Variants in BLK observed in about 807,000 individuals in gnomAD.
BLK encodes the protein tyrosine-protein kinase Blk.
BLK carries 64 observed loss-of-function variants against 61.8 expected under a neutral mutation model. The observed-to-expected ratio is 1.03, with a 90% confidence interval of 0.85 to 1.27. BLK has a LOEUF of 1.27. Among genes scored for constraint, BLK ranks in the 50% most tolerant of loss-of-function variants. The pLI, the probability that BLK is intolerant of heterozygous loss-of-function variation, is 0.00. For missense variants in BLK, 853 were observed against 660.5 expected (o/e 1.29, Z -3.19); for synonymous variants, 351 against 272.0 (o/e 1.29, Z -2.86).
intron 6 of BLK, chr8:11,553,376 G>T (rs1249710541): frequency 2.2e-6 from 1 of 451,140 alleles, no homozygotes; most frequent in South Asian, 1.6e-5. Context: ...TACCACAGAG[G>T]CAGGGGATCC....
chr8:11,548,043 G>A lies in BLK; in HGVS notation c.187G>A (p.Val63Met), dbSNP rs138972988. The A allele has an allele frequency of 5.5e-4, 893 of 1,614,014 alleles. 1 individual carries two copies. The African/African-American group carries it at 9.0e-3, about 16-fold the overall frequency. The change falls in exon 4 of 13, where the codon GTG becomes ATG. Residue 63 changes from valine (V) to methionine (M), a missense_variant. Val to Met is a conservative substitution (Grantham distance 21). Transcript: ENST00000259089. ...DEHLDEDKHF[V>M]VALYDYTAMN... The stretch of plus-strand genomic sequence containing the variant: ...CTTGTTCATTTTAGACAAGCATTTC[G>A]TGGTGGCTCTGTATGACTACACCGC...
intron 1 of BLK, among the ~76,000 whole-genome samples, chr8:11,501,353 CT>C (rs1337560021): frequency 2.1e-5 from 2 of 96,714 alleles, no homozygotes; most frequent in Non-Finnish European, 4.8e-5. Context: ...TAAACTCTCT[CT>C]CTTTTTTTTT....
intron 1 of BLK, among the ~76,000 whole-genome samples, chr8:11,514,614 C>T (rs1799152156): frequency 6.6e-6 from 1 of 152,192 alleles, no homozygotes; most frequent in Admixed American, 6.5e-5. Context: ...GGGCCTTCTC[C>T]ATCCACCCAG....
intron 1 of BLK, among the ~76,000 whole-genome samples, chr8:11,520,152 C>T (rs891283666): frequency 6.6e-6 from 1 of 152,040 alleles, no homozygotes; most frequent in African/African-American, 2.4e-5. Context: ...TTAAGGAGGG[C>T]TCATTCCACT....
In BLK at chr8:11,563,248, G is replaced by A. The variant is rs993811591; in HGVS notation, c.1312+138G>A. On this transcript the variant is annotated intron_variant, in intron 12 of 12. Transcript: ENST00000259089. ...GAGCGAAGACGGAGACCCAGGCATG[G>A]CATCTGGGGTGGAGCTCTGCCCCCT... 8 of 1,295,776 alleles carry A rather than the reference G, an allele frequency of 6.2e-6. No homozygotes were observed. In the Admixed American group the frequency reaches 1.3e-4, roughly 21 times the overall value. The allele number at this position is 1,295,776 out of a possible 1,614,324, so 80.3% of individuals were successfully genotyped here.
At chr8:11,535,225 G>GAGAGAT (rs1800065326) in intron 1 of BLK, among the ~76,000 whole-genome samples, 1 of 124,514 alleles carries the variant, frequency 8.0e-6, no homozygotes, top group African/African-American at 3.0e-5. Flanking sequence ...GAGAGAGAAA[G>GAGAGAT]AAAGAAAAAG....
chr8:11,547,115 G>A (rs1800682526), intron 3 of BLK, among the ~76,000 whole-genome samples: 1 of 152,236 alleles, frequency 6.6e-6, no homozygotes, highest in African/African-American at 2.4e-5. Context: ...TCAGCACACA[G>A]AGCCCAGCTC....
chr8:11,500,558 C>G (rs1454064373), intron 1 of BLK, among the ~76,000 whole-genome samples: 1 of 151,832 alleles, frequency 6.6e-6, no homozygotes, highest in Non-Finnish European at 1.5e-5. Context: ...CTCTGCCTCC[C>G]AGGCTGGAGT....
intron 1 of BLK, among the ~76,000 whole-genome samples, chr8:11,532,365 A>ATT (rs56990952): frequency 8.0e-6 from 1 of 125,638 alleles, no homozygotes; most frequent in African/African-American, 3.0e-5. Flanking sequence ...TGCCCAGCTC[A>ATT]TTTTTTTTTT....
intron 1 of BLK, among the ~76,000 whole-genome samples, chr8:11,513,666 T>C (rs1489119295): frequency 6.6e-6 from 1 of 152,184 alleles, no homozygotes; most frequent in African/African-American, 2.4e-5. Flanking sequence ...GCTGCAAAAT[T>C]CATACCAAGT....
chr8:11,555,351 C>A lies in BLK; in HGVS notation c.639C>A (p.Cys213Ter). The A allele has an allele frequency of 6.2e-7, 1 of 1,614,082 alleles. No individual in the cohort carries two copies. The highest frequency in any genetic ancestry group is 1.7e-5 in the Admixed American group (1 of 60,022). The change falls in exon 8 of 13, where the codon TGC becomes TGA. Residue 213 changes from cysteine (C) to a stop codon, truncating the protein, a stop_gained. Coordinates refer to ENST00000259089, the MANE Select transcript of BLK (RefSeq NM_001715.3). LOFTEE classifies it high-confidence loss of function. ...QHYSKKGDGL[C>*]QRLTLPCVRP... ...ATGCAGAGAAGGGGGATGGTCTATG[C>A]CAGAGGCTGACCCTGCCCTGTGTGC...
At chr8:11,513,248 G>C (rs1799090603) in intron 1 of BLK, among the ~76,000 whole-genome samples, 2 of 152,152 alleles carry the variant, frequency 1.3e-5, no homozygotes, top group South Asian at 4.1e-4. Flanking sequence ...TCTGTGTCTT[G>C]AAGTGGGAGT....
intron 10 of BLK, chr8:11,559,849 A>G (rs1260598263): frequency 2.2e-6 from 1 of 456,192 alleles, no homozygotes; most frequent in East Asian, 7.0e-5. Context: ...GTTTCCCTGG[A>G]CAAGAAACTG....
intron 1 of BLK, among the ~76,000 whole-genome samples, chr8:11,537,752 G>T (rs542690348): frequency 2.0e-5 from 3 of 152,154 alleles, no homozygotes; most frequent in African/African-American, 2.4e-5. Flanking sequence ...AGAAAAACTC[G>T]TTATCCGTCA....
intron 1 of BLK, among the ~76,000 whole-genome samples, chr8:11,537,113 A>G (rs1800164554): frequency 6.6e-6 from 1 of 152,334 alleles, no homozygotes; most frequent in East Asian, 1.9e-4. Flanking sequence ...GGCAAAGGTG[A>G]GGAAGCCTCA....
intron 1 of BLK, among the ~76,000 whole-genome samples, chr8:11,517,534 G>C (rs1210761585): frequency 6.6e-6 from 1 of 152,180 alleles, no homozygotes; most frequent in African/African-American, 2.4e-5. Flanking sequence ...ATGTTTTCAG[G>C]TTCCCAGAGC....
At chr8:11,526,632 T>A (rs923474750) in intron 1 of BLK, among the ~76,000 whole-genome samples, 7 of 152,310 alleles carry the variant, frequency 4.6e-5, no homozygotes, top group Non-Finnish European at 1.0e-4. Flanking sequence ...GGCAGGAGGA[T>A]CACGTGAACC....
intron 5 of BLK, among the ~76,000 whole-genome samples, chr8:11,549,458 G>A (rs1296338210): frequency 3.9e-5 from 6 of 152,204 alleles, no homozygotes; most frequent in East Asian, 1.9e-4. Context: ...CAGCCTCCAT[G>A]GGCAGGACTC....
At chr8:11,510,277 A>T (rs2117282858) in intron 1 of BLK, among the ~76,000 whole-genome samples, 1 of 152,190 alleles carries the variant, frequency 6.6e-6, no homozygotes, top group East Asian at 1.9e-4. Flanking sequence ...TGAGTTTTTC[A>T]TCTCTTTTCT....
Sources: gnomAD v4.1 joint callset for allele counts (sites outside exome capture counted in the v4.1 genomes callset) on GRCh38, gnomAD v4.1.1 for gene constraint, MANE v1.5 for transcripts, NCBI Gene and HGNC (gene_info 2026-07-23, HGNC 2026-07-21) for gene names.